The following TNFAIP1 variants were observed in gnomAD, a reference collection of about 807,000 sequenced individuals.
The protein encoded by TNFAIP1 is BTB/POZ domain-containing adapter for CUL3-mediated RhoA degradation protein 2.
In TNFAIP1, 20 loss-of-function variants were observed where a neutral mutation model predicts 32.6. That is an observed-to-expected ratio of 0.61 (90% CI 0.43 to 0.89). TNFAIP1 has a LOEUF of 0.89. Among genes scored for constraint, TNFAIP1 ranks in the 40% least tolerant of loss-of-function variants. The pLI is 0.00. For missense variants in TNFAIP1, 319 were observed against 425.1 expected (o/e 0.75, Z 2.20); for synonymous variants, 166 against 166.8 (o/e 1.00, Z 0.04).
At position 28,344,507 on chromosome 17, in the gene TNFAIP1, T is replaced by C. The variant is rs782702899; in HGVS notation, c.858T>C (p.Phe286=). Residue 286 remains phenylalanine (F), a synonymous_variant, in exon 7 of 7, where the codon TTT becomes TTC. Coordinates refer to ENST00000226225, the MANE Select transcript of TNFAIP1 (RefSeq NM_021137.5). ...QASPSEDEET[F]ELRDRVRRIH... ...CCCCCAGTGAAGATGAGGAGACCTT[T>C]GAACTGCGGGACCGTGTCCGCCGCA... is the stretch of plus-strand genomic sequence containing the variant. 1.2e-5 allele frequency: 19 copies of C among 1,614,020 alleles called. No individual in the cohort carries two copies. Among genetic ancestry groups the C allele is most frequent in the Non-Finnish European group, 1.6e-5 (19 of 1,180,038 alleles).
Position 28,342,716 on chromosome 17 carries a change from T to G in TNFAIP1, c.714+274T>G, listed in dbSNP as rs1907412239. Among the ~76,000 whole-genome samples, 1 of 152,220 alleles carries G rather than the reference T, an allele frequency of 6.6e-6. No individual in the cohort carries two copies. ...GACTGGGTCTTTGAAGTTGGCCCAA[T>G]TCAGGTTTGAACGCTGGCTCACACC... is the stretch of plus-strand genomic sequence containing the variant. On this transcript the variant is annotated intron_variant, in intron 6 of 6. Coordinates refer to ENST00000226225, the MANE Select transcript of TNFAIP1 (RefSeq NM_021137.5). This position sits in a 1 kb window ranked among gnomAD's most constrained non-coding sequence, Gnocchi z 4.0.
intron 1 of TNFAIP1, among the ~76,000 whole-genome samples, chr17:28,338,958 C>T (rs773530305): frequency 1.3e-5 from 2 of 151,252 alleles, no homozygotes; most frequent in African/African-American, 2.4e-5. Context: ...AGGCCAGACG[C>T]GGTGATTCAT....
At chr17:28,336,553 A>C (rs1397018110) in intron 1 of TNFAIP1, 2 of 152,256 alleles carry the variant, frequency 1.3e-5, no homozygotes, top group African/African-American at 2.4e-5. Context: ...CATTGGCAGA[A>C]CATGTATGTG....
At chr17:28,337,148 C>T (rs1555577538) in intron 1 of TNFAIP1, among the ~76,000 whole-genome samples, 1 of 152,188 alleles carries the variant, frequency 6.6e-6, no homozygotes, top group Non-Finnish European at 1.5e-5. Flanking sequence ...GGTCTTCCCA[C>T]TTTCTCTCTT....
At position 28,346,481 on chromosome 17, in the gene TNFAIP1, T is replaced by C. The variant is rs1907571991; in HGVS notation, c.*1881T>C. 1 of 152,382 alleles carries C rather than the reference T, an allele frequency of 6.6e-6. No homozygotes were observed. The highest frequency in any genetic ancestry group is 1.5e-5 in the Non-Finnish European group (1 of 68,052). The allele number at this position is 152,382 out of a possible 1,614,324, so 9.4% of individuals were successfully genotyped here. A position where few individuals can be genotyped will look rare whatever the true frequency, so the allele number is the denominator to read the frequency against. ...TGCCTTTTGACCTCCCCATCCCCTT[T>C]AGTCCCTGCTTACTACTTTGACATT... On this transcript the variant is annotated 3_prime_UTR_variant, in exon 7 of 7. Transcript: ENST00000226225.
rs1326630655 is a variant in TNFAIP1 at position 28,342,532 on chromosome 17, G to C, written c.714+90G>C. On this transcript the variant is annotated intron_variant, in intron 6 of 6. Transcript: ENST00000226225. This position sits in a 1 kb window ranked among gnomAD's most constrained non-coding sequence, Gnocchi z 4.0. ...GGGCTGTGACCAGCACGGAGCAAAA[G>C]GGGCATGGACTTGGCTCTTTTTTCC... is the stretch of plus-strand genomic sequence containing the variant. 7.6e-7 allele frequency: 1 copy of C among 1,317,738 alleles called. No homozygotes were observed. Among genetic ancestry groups the C allele is most frequent in the African/African-American group, 1.5e-5 (1 of 68,444 alleles). 81.6% of individuals were successfully genotyped at this position (1,317,738 alleles called of 1,614,324 possible). A position where few individuals can be genotyped will look rare whatever the true frequency, so the allele number is the denominator to read the frequency against.
rs1247622700 is a variant in TNFAIP1 at position 28,344,719 on chromosome 17, CAG to C, written c.*120_*121del. 2.0e-5 allele frequency: 21 copies of C among 1,024,920 alleles called. No homozygotes were observed. The African/African-American group carries it at 3.3e-4, about 16-fold the overall frequency. The allele number at this position is 1,024,920 out of a possible 1,614,324, so 63.5% of individuals were successfully genotyped here. On this transcript the variant is annotated 3_prime_UTR_variant, in exon 7 of 7. Coordinates refer to ENST00000226225, the MANE Select transcript of TNFAIP1 (RefSeq NM_021137.5). ...TCTGCTCTAGCACCCAGAGGCATGACAGGCCCTGCTCAGAGGTCAGAGGGTCT... is the reference window on the plus strand; with the variant it reads ...TCTGCTCTAGCACCCAGAGGCATGACGCCCTGCTCAGAGGTCAGAGGGTCT...
Position 28,340,358 on chromosome 17 carries a change from T to C in TNFAIP1, c.255T>C (p.Asn85=), listed in dbSNP as rs1555577984. 1 of 1,613,838 alleles carries C rather than the reference T, an allele frequency of 6.2e-7. No homozygotes were observed. The highest frequency in any genetic ancestry group is 1.1e-5 in the South Asian group (1 of 91,042). ...GAAAGCACTTTGGCACCATTTTGAA[T>C]TACCTCCGAGATGACACCATCACCC... ...RCGKHFGTIL[N]YLRDDTITLP... The change falls in exon 3 of 7, where the codon AAT becomes AAC. Residue 85 remains asparagine (N), a synonymous_variant. Coordinates refer to ENST00000226225, the MANE Select transcript of TNFAIP1 (RefSeq NM_021137.5). The surrounding 1 kb of genome is among the most constrained non-coding windows in gnomAD (Gnocchi z 4.1).
At position 28,339,393 on chromosome 17, in the gene TNFAIP1, C is replaced by A; in HGVS notation, c.-114-15C>A. ...TCAGCTGGTTCGTGTCTTCTCTTCCCTCTCCCATGTACAGCACTGAGATTA... is the reference window on the plus strand; with the variant it reads ...TCAGCTGGTTCGTGTCTTCTCTTCCATCTCCCATGTACAGCACTGAGATTA... On this transcript the variant is annotated splice_polypyrimidine_tract_variant and intron_variant, in intron 1 of 6. Coordinates refer to ENST00000226225, the MANE Select transcript of TNFAIP1 (RefSeq NM_021137.5). The A allele has an allele frequency of 1.1e-6, 1 of 882,456 alleles. No homozygotes were observed. Among genetic ancestry groups the A allele is most frequent in the Non-Finnish European group, 1.6e-6 (1 of 612,802 alleles). The allele number at this position is 882,456 out of a possible 1,614,324, so 54.7% of individuals were successfully genotyped here.
chr17:28,339,660 AC>A lies in TNFAIP1; in HGVS notation c.142del (p.Arg48AlafsTer17). ...SLYYTTVRALTRHDTMLKAMF... is the reference protein window; with the variant it reads ...SLYYTTVRALXRHDTMLKAMF... The stretch of plus-strand genomic sequence containing the variant: ...GTACTACACCACTGTGCGGGCCCTG[AC>A]CCGCCACGACACCATGCTCAAGGCC... On this transcript the variant is annotated frameshift_variant, in exon 2 of 7. Transcript: ENST00000226225. LOFTEE classifies it high-confidence loss of function. 1 of 1,607,574 alleles carries A rather than the reference AC, an allele frequency of 6.2e-7. No homozygotes were observed. Among genetic ancestry groups the A allele is most frequent in the Non-Finnish European group, 8.5e-7 (1 of 1,178,908 alleles).
At chr17:28,341,479 A>G (rs782814763) in intron 5 of TNFAIP1, 23 bp downstream of exon 5, 2 of 1,613,804 alleles carry the variant, frequency 1.2e-6, no homozygotes, top group East Asian at 2.2e-5. Flanking sequence ...ACAGGGCTCA[A>G]CAGACACTGG....
intron 1 of TNFAIP1, among the ~76,000 whole-genome samples, chr17:28,336,154 G>A (rs1907143082): frequency 6.6e-6 from 1 of 152,150 alleles, no homozygotes; most frequent in Non-Finnish European, 1.5e-5. Flanking sequence ...CTTTCCTCCC[G>A]CCGTCCTCCG....
At position 28,341,316 on chromosome 17, in the gene TNFAIP1, C is replaced by T; in HGVS notation, c.455C>T (p.Ser152Phe). The change falls in exon 4 of 7, where the codon TCC (serine) becomes TTC (phenylalanine). Residue 152 changes from serine (S) to phenylalanine (F), a missense_variant. Ser to Phe is a radical substitution (Grantham distance 155). Coordinates refer to ENST00000226225, the MANE Select transcript of TNFAIP1 (RefSeq NM_021137.5). Reference protein sequence around the residue: ...SLKEEERLIESSTKPVVKLLY... With the variant: ...SLKEEERLIEFSTKPVVKLLY... Reference sequence around the variant, plus strand: ...AAGGAGGAGGAGCGGCTCATCGAATCCTCCACCAAGGTACCAGGACCTCTG... The same window carrying T: ...AAGGAGGAGGAGCGGCTCATCGAATTCTCCACCAAGGTACCAGGACCTCTG... The T allele has an allele frequency of 1.2e-6, 2 of 1,614,204 alleles. No homozygotes were observed. The highest frequency in any genetic ancestry group is 1.7e-6 in the Non-Finnish European group (2 of 1,180,034).
At chr17:28,343,293 GCAGT>G (rs1363291575) in intron 6 of TNFAIP1, among the ~76,000 whole-genome samples, 3 of 152,160 alleles carry the variant, frequency 2.0e-5, no homozygotes, top group African/African-American at 4.8e-5. Context: ...CCCCCAGGCT[GCAGT>G]CAGTTACCCC....
intron 1 of TNFAIP1, among the ~76,000 whole-genome samples, chr17:28,337,258 A>G (rs1555577549): frequency 2.0e-5 from 3 of 152,052 alleles, no homozygotes; most frequent in Non-Finnish European, 2.9e-5. Flanking sequence ...CAACCCTCCA[A>G]TTGATTCATA....
At position 28,344,781 on chromosome 17, in the gene TNFAIP1, CCT is replaced by C. The variant is rs1907490850; in HGVS notation, c.*182_*183del. 1.6e-6 allele frequency: 1 copy of C among 634,058 alleles called. No individual in the cohort carries two copies. Among genetic ancestry groups the C allele is most frequent in the Non-Finnish European group, 2.8e-6 (1 of 362,596 alleles). The allele number at this position is 634,058 out of a possible 1,614,324, so 39.3% of individuals were successfully genotyped here. A position where few individuals can be genotyped will look rare whatever the true frequency, so the allele number is the denominator to read the frequency against. ...AGGGACCACATTCCCCTGCCTTGCC[CCT>C]GAGCACTTCTGGAGACTGCGTCCTG... On this transcript the variant is annotated 3_prime_UTR_variant, in exon 7 of 7. Coordinates refer to ENST00000226225, the MANE Select transcript of TNFAIP1 (RefSeq NM_021137.5).
intron 6 of TNFAIP1, among the ~76,000 whole-genome samples, chr17:28,344,050 C>G (rs1202752132): frequency 6.6e-6 from 1 of 152,144 alleles, no homozygotes; most frequent in Non-Finnish European, 1.5e-5. Flanking sequence ...AAGGGTTCAG[C>G]CCAAGGCTCC....
chr17:28,340,595 A>G lies in TNFAIP1; in HGVS notation c.375+117A>G. 8.2e-7 allele frequency: 1 copy of G among 1,218,358 alleles called. No homozygotes were observed. Among genetic ancestry groups the G allele is most frequent in the East Asian group, 2.4e-5 (1 of 41,236 alleles). 75.5% of individuals were successfully genotyped at this position (1,218,358 alleles called of 1,614,324 possible). Reference sequence around the variant, plus strand: ...GTGGGAGGCGTGGTTGATGAGTGCAAACCTAATGAGACAAGTGAGATGCCA... The same window carrying G: ...GTGGGAGGCGTGGTTGATGAGTGCAGACCTAATGAGACAAGTGAGATGCCA... On this transcript the variant is annotated intron_variant, in intron 3 of 6. Transcript: ENST00000226225. This position sits in a 1 kb window ranked among gnomAD's most constrained non-coding sequence, Gnocchi z 4.1.
Position 28,342,246 on chromosome 17 carries a change from G to C in TNFAIP1, c.519-1G>C. ...CCGCTTGGCCCTCATGTTTTTTTCAGCAACTCTGACGACCACCTGCTGAAA... is the reference window on the plus strand; with the variant it reads ...CCGCTTGGCCCTCATGTTTTTTTCACCAACTCTGACGACCACCTGCTGAAA... On this transcript the variant is annotated splice_acceptor_variant, in intron 5 of 6. Coordinates refer to ENST00000226225, the MANE Select transcript of TNFAIP1 (RefSeq NM_021137.5). LOFTEE classifies it high-confidence loss of function. The surrounding 1 kb of genome is among the most constrained non-coding windows in gnomAD (Gnocchi z 4.0). 6.3e-7 allele frequency: 1 copy of C among 1,575,316 alleles called. No individual in the cohort carries two copies. The highest frequency in any genetic ancestry group is 8.7e-7 in the Non-Finnish European group (1 of 1,149,418).
Sources: allele counts gnomAD v4.1 joint callset (sites outside exome capture counted in the v4.1 genomes callset), GRCh38; gene constraint gnomAD v4.1.1; non-coding constraint Gnocchi (gnomAD v3.1); transcripts MANE v1.5; gene names NCBI Gene and HGNC (gene_info 2026-07-23, HGNC 2026-07-21).